Variants in PCDHGB2 observed in about 807,000 individuals in gnomAD.
PCDHGB2 encodes the protein protocadherin gamma-B2.
PCDHGB2 carries 55 observed loss-of-function variants against 59.3 expected under a neutral mutation model. That is an observed-to-expected ratio of 0.93 (90% CI 0.75 to 1.16). The LOEUF is 1.16. Among genes scored for constraint, PCDHGB2 ranks in the 50% most tolerant of loss-of-function variants. The pLI is 0.00. For missense variants in PCDHGB2, 1,228 were observed against 1,198.5 expected, an observed-to-expected ratio of 1.02 and a Z score of -0.36; for synonymous variants, 516 against 512.0, an observed-to-expected ratio of 1.01 and a Z score of -0.11.
intron 2 of PCDHGB2, among the ~76,000 whole-genome samples, chr5:141,498,555 C>T (rs2099784323): frequency 6.6e-6 from 1 of 152,032 alleles, no homozygotes; most frequent in South Asian, 2.1e-4. Flanking sequence ...GACACACCAG[C>T]TTCAAAGCAG....
At chr5:141,404,315 G>T (rs775576610) in intron 1 of PCDHGB2, 2 of 1,613,886 alleles carry the variant, frequency 1.2e-6, no homozygotes, top group African/African-American at 2.7e-5. Context: ...TTTCTCTCAA[G>T]CCTCCTACTC....
intron 1 of PCDHGB2, chr5:141,393,707 T>A: frequency 6.2e-7 from 1 of 1,613,882 alleles, no homozygotes; most frequent in African/African-American, 1.3e-5. Flanking sequence ...ATGAAAATAC[T>A]GGGGAAATAT....
intron 1 of PCDHGB2, chr5:141,400,754 C>G: frequency 1.7e-6 from 1 of 589,004 alleles, no homozygotes. Context: ...TTAGCTTCCT[C>G]TCTAGCAAAA....
Position 141,362,447 on chromosome 5 carries a change from C to A in PCDHGB2, c.2312C>A (p.Thr771Asn), listed in dbSNP as rs769703158. Residue 771 changes from threonine to asparagine, a missense_variant, in exon 1 of 4, where the codon ACC (threonine) becomes AAC (asparagine). Thr to Asn is a moderately conservative substitution (Grantham distance 65). This residue lies in a region of PCDHGB2 where 433 missense variants were observed against 441.8 expected (regional missense o/e 0.98). Coordinates refer to ENST00000522605, the MANE Select transcript of PCDHGB2 (RefSeq NM_018923.3). Reference sequence around the variant, plus strand: ...ACAGAGTTCAATTTTCTGAACATAACCCCGGAATTGGTTCCCGCGCAAGAT... The same window carrying A: ...ACAGAGTTCAATTTTCTGAACATAAACCCGGAATTGGTTCCCGCGCAAGAT... ...AKTEFNFLNI[T>N]PELVPAQDLV... is the part of the protein sequence containing the mutation. The A allele has an allele frequency of 1.2e-6, 2 of 1,614,048 alleles. No homozygotes were observed. Among genetic ancestry groups the A allele is most frequent in the East Asian group, 2.2e-5 (1 of 44,884 alleles).
At position 141,361,447 on chromosome 5, in the gene PCDHGB2, G is replaced by T. The variant is rs942275534; in HGVS notation, c.1312G>T (p.Val438Phe). 3 of 1,613,998 alleles carry T rather than the reference G, an allele frequency of 1.9e-6. No individual in the cohort carries two copies. The highest frequency in any genetic ancestry group is 2.7e-5 in the African/African-American group (2 of 75,054). ...GKPPLSSSII[V>F]TLHISDVNDN... is the part of the protein sequence containing the mutation. Reference sequence around the variant, plus strand: ...GCCGCCCCTCTCCTCCAGCATAATTGTCACCCTGCACATCTCCGACGTCAA... The same window carrying T: ...GCCGCCCCTCTCCTCCAGCATAATTTTCACCCTGCACATCTCCGACGTCAA... Residue 438 changes from valine (V) to phenylalanine (F), a missense_variant, in exon 1 of 4, where the codon GTC becomes TTC. By Grantham distance (50) the Val-to-Phe change is conservative. This residue lies in a region of PCDHGB2 where 781 missense variants were observed against 721.6 expected (regional missense o/e 1.08). Transcript: ENST00000522605.
In PCDHGB2 at chr5:141,409,721, G is replaced by A. The variant is rs892686024; in HGVS notation, c.2421+47165G>A. On this transcript the variant is annotated intron_variant, in intron 1 of 3. Transcript: ENST00000522605. ...CCTGGCGGTGTCGTCATACGTGTCA[G>A]TGAGCGCGCAGAGCGGGGTGGTGTT... The A allele has an allele frequency of 6.8e-6, 11 of 1,613,114 alleles. No homozygotes were observed. The highest frequency in any genetic ancestry group is 6.7e-5 in the East Asian group (3 of 44,892).
chr5:141,425,523 T>C (rs1260519939), intron 1 of PCDHGB2, among the ~76,000 whole-genome samples: 1 of 152,248 alleles, frequency 6.6e-6, no homozygotes, highest in Admixed American at 6.5e-5. Flanking sequence ...TGATGAAACA[T>C]GAAACAATAA....
At chr5:141,452,076 G>A (rs978382005) in intron 1 of PCDHGB2, among the ~76,000 whole-genome samples, 3 of 152,092 alleles carry the variant, frequency 2.0e-5, no homozygotes, top group Non-Finnish European at 2.9e-5. Flanking sequence ...TTATTAGTTG[G>A]CATTATACAG....
At chr5:141,417,503 TAA>T in intron 1 of PCDHGB2, 1 of 229,962 alleles carries the variant, frequency 4.3e-6, no homozygotes, top group East Asian at 9.7e-5. Flanking sequence ...GGAAAAAGAT[TAA>T]AATATTTTGG....
At chr5:141,433,694 G>T (rs539494151) in intron 1 of PCDHGB2, among the ~76,000 whole-genome samples, 1 of 152,126 alleles carries the variant, frequency 6.6e-6, no homozygotes, top group South Asian at 2.1e-4. Flanking sequence ...AAAATTAGCC[G>T]GGCGTGGTGG....
At chr5:141,448,215 C>T (rs927573458) in intron 1 of PCDHGB2, among the ~76,000 whole-genome samples, 5 of 152,046 alleles carry the variant, frequency 3.3e-5, no homozygotes, top group African/African-American at 9.7e-5. Flanking sequence ...TGTGTGTATG[C>T]GAATGTATGT....
intron 1 of PCDHGB2, among the ~76,000 whole-genome samples, chr5:141,373,077 A>C (rs1216533246): frequency 6.6e-6 from 1 of 152,210 alleles, no homozygotes; most frequent in Non-Finnish European, 1.5e-5. Flanking sequence ...TTAATACAGT[A>C]TTATCTCACA....
intron 1 of PCDHGB2, chr5:141,364,409 G>A: frequency 6.2e-7 from 1 of 1,611,256 alleles, no homozygotes; most frequent in Non-Finnish European, 8.5e-7. Flanking sequence ...GTGCGAGCCA[G>A]GATCCGGGCA....
intron 1 of PCDHGB2, chr5:141,426,408 G>A (rs2096933631): frequency 1.2e-5 from 3 of 258,388 alleles, no homozygotes; most frequent in South Asian, 4.8e-5. Flanking sequence ...CAGAAGAAAC[G>A]GTCCAGGGCT....
intron 1 of PCDHGB2, among the ~76,000 whole-genome samples, chr5:141,424,908 C>G (rs910592644): frequency 1.3e-5 from 2 of 152,184 alleles, no homozygotes; most frequent in Non-Finnish European, 2.9e-5. Context: ...TCACAGGAAT[C>G]ATTTCCATAA....
Position 141,489,712 on chromosome 5 carries a change from C to T in PCDHGB2, c.2422-5095C>T. On this transcript the variant is annotated intron_variant, in intron 1 of 3. Coordinates refer to ENST00000522605, the MANE Select transcript of PCDHGB2 (RefSeq NM_018923.3). The surrounding 1 kb of genome is among the most constrained non-coding windows in gnomAD (Gnocchi z 4.5). The stretch of plus-strand genomic sequence containing the variant: ...GGCACGATTCCCACTGGACAGTGCC[C>T]AGGATCCGGATGTGGGCACCAATAC... The T allele has an allele frequency of 6.2e-7, 1 of 1,614,162 alleles. No individual in the cohort carries two copies. The highest frequency in any genetic ancestry group is 1.1e-5 in the South Asian group (1 of 91,078).
intron 1 of PCDHGB2, chr5:141,390,054 T>G (rs763200251): frequency 6.2e-7 from 1 of 1,614,070 alleles, no homozygotes; most frequent in Non-Finnish European, 8.5e-7. Context: ...CTCCTGGAGC[T>G]GCTTCCAGCC....
chr5:141,498,805 C>T (rs1397026274), intron 2 of PCDHGB2, among the ~76,000 whole-genome samples: 1 of 152,000 alleles, frequency 6.6e-6, no homozygotes, highest in Non-Finnish European at 1.5e-5. Flanking sequence ...TGGTGGTGCA[C>T]ACCTGTAGTC....
intron 1 of PCDHGB2, among the ~76,000 whole-genome samples, chr5:141,467,395 G>A (rs1197131223): frequency 6.6e-6 from 1 of 152,056 alleles, no homozygotes; most frequent in African/African-American, 2.4e-5. Flanking sequence ...TTAAGTCATA[G>A]TTAGAAAGCC....
Sources: allele counts gnomAD v4.1 joint callset (sites outside exome capture counted in the v4.1 genomes callset), GRCh38; gene constraint gnomAD v4.1.1; regional missense constraint gnomAD v4.1.1; non-coding constraint Gnocchi (gnomAD v3.1); transcripts MANE v1.5; gene names NCBI Gene and HGNC (gene_info 2026-07-23, HGNC 2026-07-21).